The following GAS2L1 variants were observed in gnomAD, a reference collection of about 807,000 sequenced individuals.
The protein encoded by GAS2L1 is growth arrest specific 2 like 1.
GAS2L1 carries 26 observed loss-of-function variants against 44.0 expected under a neutral mutation model. The observed-to-expected ratio is 0.59, with a 90% confidence interval of 0.43 to 0.82. GAS2L1 has a LOEUF of 0.82. GAS2L1 is among the 40% of genes least tolerant of loss of function. The pLI is 0.00. For missense variants in GAS2L1, 1,006 were observed against 983.0 expected, an observed-to-expected ratio of 1.02 and a Z score of -0.31; for synonymous variants, 426 against 415.9, an observed-to-expected ratio of 1.02 and a Z score of -0.30.
At chr22:29,312,094 C>T in exon 5 of GAS2L1, 1 of 1,612,890 alleles carries the variant, frequency 6.2e-7, no homozygotes, top group Non-Finnish European at 8.5e-7. Flanking sequence ...CCTGACCCAG[C>T]TCGGGCCCCC....
exon 5 of GAS2L1, chr22:29,311,855 C>A: frequency 1.3e-6 from 2 of 1,594,560 alleles, no homozygotes; most frequent in Non-Finnish European, 1.7e-6. Context: ...GGGGCTCGGG[C>A]AGGAGCACCC....
At chr22:29,310,088 C>CA (rs2061386436) in intron 1 of GAS2L1, among the ~76,000 whole-genome samples, 1 of 151,784 alleles carries the variant, frequency 6.6e-6, no homozygotes, top group Non-Finnish European at 1.5e-5. Flanking sequence ...ACTAAAAATA[C>CA]AAAATTAGCC....
At chr22:29,312,631 G>A (rs1445916285) in exon 5 of GAS2L1, 3 of 546,980 alleles carry the variant, frequency 5.5e-6, no homozygotes. Flanking sequence ...GGACCACATG[G>A]CACAATGGGA....
exon 5 of GAS2L1, chr22:29,312,313 C>A: frequency 6.2e-7 from 1 of 1,608,080 alleles, no homozygotes; most frequent in African/African-American, 1.3e-5. Context: ...CCTGGGAGCC[C>A]CCTGGCTTGC....
rs1169109475 is a variant in GAS2L1 at position 29,310,258 on chromosome 22, TAA to T, written c.634-173_634-172del. On this transcript the variant is annotated intron_variant, in intron 1 of 4. Coordinates refer to ENST00000618518, the Ensembl canonical transcript of GAS2L1. ...ACTCCAACTCAAAAAAAAAAAAAAA[TAA>T]AAAAAAATAAAAAAAATAAAAGAAA... 1.8e-4 allele frequency: 56 copies of T among 306,864 alleles called. 2 individuals are homozygous for T. The highest frequency in any genetic ancestry group is 1.5e-3 in the African/African-American group (54 of 36,426). The allele number at this position is 306,864 out of a possible 1,614,324, so 19.0% of individuals were successfully genotyped here.
exon 5 of GAS2L1, chr22:29,312,624 C>T (rs2061423407): frequency 3.5e-6 from 2 of 577,550 alleles, no homozygotes; most frequent in Non-Finnish European, 5.8e-6. Flanking sequence ...CCCCTTGGGA[C>T]CACATGGCAC....
At chr22:29,310,249 AAAAAAAAAT>A (rs2061388183) in intron 1 of GAS2L1, 181 bp from the exon 3 acceptor site, 3 of 335,880 alleles carry the variant, frequency 8.9e-6, no homozygotes, top group South Asian at 1.0e-4. Context: ...ACTCAAAAAA[AAAAAAAAAT>A]AAAAAAAAAT....
Position 29,312,364 on chromosome 22 carries a change from C to CA in GAS2L1, c.1914dup (p.Gln639ThrfsTer5). 1 of 1,603,692 alleles carries CA rather than the reference C, an allele frequency of 6.2e-7. No homozygotes were observed. Among genetic ancestry groups the CA allele is most frequent in the Non-Finnish European group, 8.5e-7 (1 of 1,173,098 alleles). On this transcript the variant is annotated frameshift_variant, in exon 5 of 5. Transcript: ENST00000618518. LOFTEE classifies it high-confidence loss of function. ...ACCTGGGCACGGGGTCGGATGGACA[C>CA]ACAGCCAGACCGTAAACCCTCACGT...
intron 1 of GAS2L1, among the ~76,000 whole-genome samples, chr22:29,310,113 A>G (rs2147898944): frequency 6.6e-6 from 1 of 152,094 alleles, no homozygotes; most frequent in African/African-American, 2.4e-5. Context: ...GTGGTGGTGC[A>G]TGCCTGTAAT....
exon 1 of GAS2L1, chr22:29,308,127 A>G (rs752781251): frequency 6.4e-7 from 1 of 1,558,640 alleles, no homozygotes; most frequent in Non-Finnish European, 8.7e-7. Context: ...AGTGGCGGGC[A>G]TCGCGGGCTC....
rs138032501 is a variant in GAS2L1, at chr22:29,310,524, C to G, written c.719C>G (p.Ser240Trp). Residue 240 changes from serine to tryptophan, a missense_variant, in exon 2 of 5, where the codon TCG (serine) becomes TGG (tryptophan). Transcript: ENST00000618518. ...GAGGGGAAGTACCGTGTGGGGGACT[C>G]GAGCCTGCTCATCTTTGTGCGGGTA... The G allele has an allele frequency of 6.6e-4, 1,066 of 1,608,268 alleles. 20 individuals carry two copies. In the Admixed American group the frequency reaches 0.017, roughly 25 times the overall value.
chr22:29,311,544 G>T, exon 5 of GAS2L1: 1 of 1,542,936 alleles, frequency 6.5e-7, no homozygotes, highest in South Asian at 1.2e-5. Flanking sequence ...CGCCCAGAGC[G>T]GCCCCCTTGG....
rs752085097 is a variant in GAS2L1, at chr22:29,310,819, C to T, written c.839-8C>T. ...CCCTCACATGCTGCCTGTCCTCTCT[C>T]CCCGCAGCTCATCGCCCACCCCAGC... On this transcript the variant is annotated splice_region_variant and splice_polypyrimidine_tract_variant and intron_variant, in intron 3 of 4. Coordinates refer to ENST00000618518, the Ensembl canonical transcript of GAS2L1. 6.8e-6 allele frequency: 11 copies of T among 1,607,804 alleles called. No individual in the cohort carries two copies. Among genetic ancestry groups the T allele is most frequent in the African/African-American group, 2.7e-5 (2 of 74,920 alleles).
chr22:29,312,765 A>C, exon 5 of GAS2L1: 1 of 363,710 alleles, frequency 2.7e-6, no homozygotes. Context: ...AGAGCCTCTG[A>C]CAGTAAAGTT....
exon 5 of GAS2L1, chr22:29,311,575 G>C (rs1569141713): frequency 8.4e-6 from 13 of 1,541,898 alleles, no homozygotes; most frequent in Admixed American, 2.0e-5. Flanking sequence ...GATGACACAG[G>C]CACTGGCCCC....
At chr22:29,309,928 G>A (rs1309937615) in intron 1 of GAS2L1, among the ~76,000 whole-genome samples, 1 of 152,174 alleles carries the variant, frequency 6.6e-6, no homozygotes, top group Non-Finnish European at 1.5e-5. Flanking sequence ...ATCCTGGGCA[G>A]CTCCCTGGAC....
At position 29,312,121 on chromosome 22, in the gene GAS2L1, A is replaced by ACT; in HGVS notation, c.1673_1674dup (p.Ala559LeufsTer58). ...CGGGCCCCCGACCCTCCAGCTCCTG[A>ACT]CTCTGCCTATTGTTCCTCCAGTTCC... On this transcript the variant is annotated frameshift_variant, in exon 5 of 5. Transcript: ENST00000618518. LOFTEE classifies it high-confidence loss of function. 6.2e-7 allele frequency: 1 copy of ACT among 1,612,528 alleles called. No homozygotes were observed. Among genetic ancestry groups the ACT allele is most frequent in the Non-Finnish European group, 8.5e-7 (1 of 1,179,562 alleles).
chr22:29,308,340 G>C (rs1352445019), exon 1 of GAS2L1: 1 of 1,602,070 alleles, frequency 6.2e-7, no homozygotes, highest in Non-Finnish European at 8.5e-7. Context: ...ATTGGCAGCC[G>C]CCCGCCCGGC....
exon 3 of GAS2L1, chr22:29,310,711 A>G: frequency 6.2e-7 from 1 of 1,609,696 alleles, no homozygotes; most frequent in Non-Finnish European, 8.5e-7. Flanking sequence ...GACAAGCACG[A>G]CCCGTGCCGC....
Sources: gnomAD v4.1 joint callset for allele counts (sites outside exome capture counted in the v4.1 genomes callset) on GRCh38, gnomAD v4.1.1 for gene constraint, MANE v1.5 for transcripts, NCBI Gene and HGNC (gene_info 2026-07-23, HGNC 2026-07-21) for gene names.